Variants in SCN3A observed in about 807,000 individuals in gnomAD.
SCN3A encodes sodium voltage-gated channel alpha subunit 3.
In SCN3A, 60 loss-of-function variants were observed where a neutral mutation model predicts 187.6. That is an observed-to-expected ratio of 0.32 (90% CI 0.26 to 0.40). The LOEUF (loss-of-function observed/expected upper bound fraction) is 0.40, where lower values mean the gene tolerates loss of function less well. Among genes scored for constraint, SCN3A ranks in the 10% least tolerant of loss-of-function variants. The pLI is 1.00. For missense variants in SCN3A, 1,601 were observed against 2,428.2 expected (o/e 0.66, Z 7.16); for synonymous variants, 788 against 829.2 (o/e 0.95, Z 0.85).
chr2:165,200,625 C>G (rs557570894), intron 1 of SCN3A, among the ~76,000 whole-genome samples: 1 of 151,990 alleles, frequency 6.6e-6, no homozygotes, highest in South Asian at 2.1e-4. Flanking sequence ...AAGCTCTTAG[C>G]CCTCTCAGAT....
intron 1 of SCN3A, among the ~76,000 whole-genome samples, chr2:165,187,800 T>C (rs1380708548): frequency 6.6e-6 from 1 of 152,174 alleles, no homozygotes; most frequent in Non-Finnish European, 1.5e-5. Flanking sequence ...GTGGTAACAA[T>C]AACACAAATG....
intron 19 of SCN3A, among the ~76,000 whole-genome samples, chr2:165,115,247 T>G (rs553663996): frequency 1.1e-4 from 16 of 151,856 alleles, no homozygotes; most frequent in African/African-American, 3.6e-4. Context: ...TTTTTTTTTT[T>G]GTAGAGGCAA....
rs1685051424 is a variant in SCN3A at position 165,090,683 on chromosome 2, G to A, written c.5470C>T (p.Leu1824Phe). 8.7e-6 allele frequency: 14 copies of A among 1,614,094 alleles called. No individual in the cohort carries two copies. Among genetic ancestry groups the A allele is most frequent in the Non-Finnish European group, 1.2e-5 (14 of 1,180,012 alleles). The change falls in exon 28 of 28, where the codon CTT becomes TTT. Residue 1824 changes from leucine (L) to phenylalanine (F), a missense_variant. Transcript: ENST00000283254. This position sits in a 1 kb window ranked among gnomAD's most constrained non-coding sequence, Gnocchi z 4.0. ...ACTTTGTTGGGTTTTGCTATGAGAAGAGGAGGATCCAGGGCAGCTGCAAAA... is the reference window on the plus strand; with the variant it reads ...ACTTTGTTGGGTTTTGCTATGAGAAAAGGAGGATCCAGGGCAGCTGCAAAA... ...SDFAAALDPP[L>F]LIAKPNKVQL...
chr2:165,104,035 A>G (rs911689726), intron 21 of SCN3A, among the ~76,000 whole-genome samples: 2 of 152,082 alleles, frequency 1.3e-5, no homozygotes, highest in African/African-American at 4.8e-5. Flanking sequence ...AAATCCCATA[A>G]GAGAATCAAG....
rs528393411 is a variant in SCN3A at position 165,115,738 on chromosome 2, A to G, written c.3394-163T>C. Among the ~76,000 whole-genome samples, 4 of 152,340 alleles carry G rather than the reference A, an allele frequency of 2.6e-5. No homozygotes were observed. In the South Asian group the frequency reaches 8.3e-4, roughly 32 times the overall value. ...AATAATTTAACATAAATCAAGTTGT[A>G]CTATTCAAAATAACGTGACTACTGA... On this transcript the variant is annotated intron_variant, in intron 18 of 27. Coordinates refer to ENST00000283254, the MANE Select transcript of SCN3A (RefSeq NM_006922.4).
chr2:165,162,249 A>G (rs1689443991), intron 9 of SCN3A, 59 bp downstream of exon 9: 1 of 1,441,442 alleles, frequency 6.9e-7, no homozygotes. Context: ...TTGTTTTCCT[A>G]CCTACTTTTT....
At chr2:165,154,725 C>A (rs1214698650) in intron 10 of SCN3A, 67 bp from the exon 11 acceptor site, 12 of 1,429,300 alleles carry the variant, frequency 8.4e-6, no homozygotes, top group Admixed American at 1.7e-5. Flanking sequence ...TATCTGATTA[C>A]CACAGTTAGA....
intron 21 of SCN3A, among the ~76,000 whole-genome samples, chr2:165,101,887 A>G (rs540191084): frequency 1.3e-5 from 2 of 152,230 alleles, no homozygotes; most frequent in African/African-American, 4.8e-5. Flanking sequence ...TTAATTTAGC[A>G]TACATTTTAA....
chr2:165,187,514 A>G (rs750451867), intron 1 of SCN3A, among the ~76,000 whole-genome samples: 8 of 152,238 alleles, frequency 5.3e-5, no homozygotes, highest in Non-Finnish European at 8.8e-5. Context: ...AATTCTCACC[A>G]GTAAATTTCC....
intron 18 of SCN3A, among the ~76,000 whole-genome samples, chr2:165,126,798 A>G (rs1202756049): frequency 6.6e-6 from 1 of 152,134 alleles, no homozygotes; most frequent in Non-Finnish European, 1.5e-5. Flanking sequence ...GTTACTCTGG[A>G]AGACTATAGA....
At chr2:165,143,507 G>A (rs996594012) in intron 12 of SCN3A, among the ~76,000 whole-genome samples, 18 of 152,116 alleles carry the variant, frequency 1.2e-4, no homozygotes, top group Non-Finnish European at 1.8e-4. Context: ...GGGTGTGAGC[G>A]CAGCTTTCAA....
At chr2:165,136,058 A>T (rs867608300) in intron 15 of SCN3A, among the ~76,000 whole-genome samples, 1 of 152,288 alleles carries the variant, frequency 6.6e-6, no homozygotes, top group South Asian at 2.1e-4. Context: ...CTCATTGTTT[A>T]TATGTGTGTT....
chr2:165,193,088 A>C (rs1225546238), intron 1 of SCN3A, among the ~76,000 whole-genome samples: 1 of 152,168 alleles, frequency 6.6e-6, no homozygotes. Flanking sequence ...TTAAAATTAC[A>C]TACATGGGAC....
intron 1 of SCN3A, among the ~76,000 whole-genome samples, chr2:165,191,918 A>C (rs956624384): frequency 6.6e-6 from 1 of 152,046 alleles, no homozygotes; most frequent in African/African-American, 2.4e-5. Flanking sequence ...GTTTCTGAAA[A>C]ATTTAGTAGT....
At chr2:165,156,359 A>AC (rs1170866447) in intron 9 of SCN3A, among the ~76,000 whole-genome samples, 2 of 151,080 alleles carry the variant, frequency 1.3e-5, no homozygotes, top group East Asian at 3.9e-4. Flanking sequence ...ACAAAAAAAA[A>AC]ACAATTAGCT....
intron 2 of SCN3A, among the ~76,000 whole-genome samples, chr2:165,186,043 A>G (rs962352300): frequency 1.3e-5 from 2 of 152,080 alleles, no homozygotes; most frequent in Non-Finnish European, 2.9e-5. Context: ...AGGCCGAGGC[A>G]GGCAGATCAC....
intron 18 of SCN3A, among the ~76,000 whole-genome samples, chr2:165,117,978 C>T (rs1391098499): frequency 1.3e-5 from 2 of 152,236 alleles, no homozygotes; most frequent in Non-Finnish European, 2.9e-5. Context: ...CAAATACATA[C>T]ATATTTAAAG....
chr2:165,156,451 T>C (rs1193284354), intron 9 of SCN3A, among the ~76,000 whole-genome samples: 1 of 124,094 alleles, frequency 8.1e-6, no homozygotes, highest in Non-Finnish European at 1.6e-5. Context: ...AGGTGGAGCT[T>C]GCAGTGAGCC....
Position 165,163,646 on chromosome 2 carries a change from T to C in SCN3A, c.666A>G (p.Arg222=), listed in dbSNP as rs989583375. 1 of 1,613,996 alleles carries C rather than the reference T, an allele frequency of 6.2e-7. No homozygotes were observed. Among genetic ancestry groups the C allele is most frequent in the African/African-American group, 1.3e-5 (1 of 74,938 alleles). ...VSALRTFRVL[R]ALKTISVIPG... is the part of the protein sequence containing the mutation. Reference sequence around the variant, plus strand: ...GAATGACTGAAATTGTTTTCAGTGCTCGGAGAACTCTGAATGTTCTCAACG... The same window carrying C: ...GAATGACTGAAATTGTTTTCAGTGCCCGGAGAACTCTGAATGTTCTCAACG... The change falls in exon 7 of 28, where the codon CGA becomes CGG. Residue 222 remains arginine, a synonymous_variant. Coordinates refer to ENST00000283254, the MANE Select transcript of SCN3A (RefSeq NM_006922.4).
Sources: allele counts gnomAD v4.1 joint callset (sites outside exome capture counted in the v4.1 genomes callset), GRCh38; gene constraint gnomAD v4.1.1; non-coding constraint Gnocchi (gnomAD v3.1); transcripts MANE v1.5; gene names NCBI Gene and HGNC (gene_info 2026-07-23, HGNC 2026-07-21).